MINDY4: variants seen among roughly 807,000 people sequenced by gnomAD.
MINDY4 encodes the protein probable ubiquitin carboxyl-terminal hydrolase MINDY-4.
Under a neutral mutation model 87.0 loss-of-function variants are expected in MINDY4, and 68 were observed. That is an observed-to-expected ratio of 0.78 (90% CI 0.64 to 0.96). The LOEUF (loss-of-function observed/expected upper bound fraction) is 0.96, where lower values mean the gene tolerates loss of function less well. Ranked by LOEUF, MINDY4 falls within the 40% of genes least tolerant of loss-of-function variation. The probability of loss-of-function intolerance (pLI) is 0.00; values close to 1 mark genes in which losing one functional copy is unlikely to be tolerated. For missense variants in MINDY4, 919 were observed against 928.2 expected (o/e 0.99, Z 0.13); for synonymous variants, 379 against 363.2 (o/e 1.04, Z -0.50).
chr7:30,807,193 A>C (rs1016195325), intron 5 of MINDY4, among the ~76,000 whole-genome samples: 6 of 152,152 alleles, frequency 3.9e-5, no homozygotes, highest in Non-Finnish European at 8.8e-5. Context: ...CCATTATTTC[A>C]TGTCCACCTC....
At chr7:30,865,957 T>A (rs1051167702) in intron 13 of MINDY4, among the ~76,000 whole-genome samples, 7 of 152,222 alleles carry the variant, frequency 4.6e-5, no homozygotes, top group Non-Finnish European at 1.0e-4. Flanking sequence ...CCATACCAGC[T>A]GGGTGCTTGA....
intron 4 of MINDY4, among the ~76,000 whole-genome samples, chr7:30,789,058 CA>C (rs1192437599): frequency 6.6e-6 from 1 of 152,080 alleles, no homozygotes; most frequent in Middle Eastern, 3.2e-3. Flanking sequence ...TGCACAAAGT[CA>C]ACACAGTGGA....
intron 5 of MINDY4, among the ~76,000 whole-genome samples, chr7:30,805,513 C>T (rs191709157): frequency 5.7e-4 from 87 of 152,242 alleles, no homozygotes; most frequent in African/African-American, 1.9e-3. Flanking sequence ...AGACCACGTG[C>T]TTGGTGTGGG....
Position 30,807,055 on chromosome 7 carries a change from T to C in MINDY4, c.1073+15481T>C, listed in dbSNP as rs192294949. Reference sequence around the variant, plus strand: ...CTTTGTTTAGCCTTTCTTCTTTAAATAAAATTTCTTTTGAATGAGAAGAAA... The same window carrying C: ...CTTTGTTTAGCCTTTCTTCTTTAAACAAAATTTCTTTTGAATGAGAAGAAA... On this transcript the variant is annotated intron_variant, in intron 5 of 17. Coordinates refer to ENST00000265299, the MANE Select transcript of MINDY4 (RefSeq NM_032222.3). Among the ~76,000 whole-genome samples, 3 of 152,342 alleles carry C rather than the reference T, an allele frequency of 2.0e-5. No homozygotes were observed. In the East Asian group the frequency reaches 5.8e-4, roughly 29 times the overall value.
At chr7:30,818,621 G>T (rs1788233739) in intron 5 of MINDY4, among the ~76,000 whole-genome samples, 1 of 152,216 alleles carries the variant, frequency 6.6e-6, no homozygotes, top group East Asian at 1.9e-4. Flanking sequence ...GGGATGGGTG[G>T]TTCCAGAGTC....
At chr7:30,891,595 G>A (rs192061010) in intron 17 of MINDY4, among the ~76,000 whole-genome samples, 1 of 152,250 alleles carries the variant, frequency 6.6e-6, no homozygotes. Context: ...CCTCTAAAGT[G>A]CCAACCATTG....
At chr7:30,788,509 A>C (rs1787224047) in intron 4 of MINDY4, among the ~76,000 whole-genome samples, 1 of 152,170 alleles carries the variant, frequency 6.6e-6, no homozygotes. Flanking sequence ...TGTCACCCCC[A>C]GCTCATCCAA....
intron 9 of MINDY4, among the ~76,000 whole-genome samples, chr7:30,841,056 G>A (rs1461268376): frequency 1.3e-5 from 2 of 152,184 alleles, no homozygotes; most frequent in African/African-American, 4.8e-5. Flanking sequence ...AAAGCGGGGA[G>A]GGTTCTCAGT....
intron 17 of MINDY4, among the ~76,000 whole-genome samples, chr7:30,885,207 G>T (rs894592263): frequency 4.6e-5 from 7 of 152,212 alleles, no homozygotes; most frequent in African/African-American, 1.7e-4. Context: ...TGGCCTTCAA[G>T]CTTCAGGGGC....
At chr7:30,860,116 C>T (rs941622469) in intron 13 of MINDY4, among the ~76,000 whole-genome samples, 3 of 152,146 alleles carry the variant, frequency 2.0e-5, no homozygotes, top group Non-Finnish European at 4.4e-5. Flanking sequence ...GTGAATCTTA[C>T]TTTGAGGGAT....
intron 14 of MINDY4, 76 bp downstream of exon 14, chr7:30,872,382 C>G (rs1228830650): frequency 1.3e-5 from 18 of 1,366,374 alleles, no homozygotes; most frequent in Non-Finnish European, 1.9e-5. Flanking sequence ...CCTCCTCCCT[C>G]CTCTTGCCCC....
At chr7:30,771,663 C>A in intron 1 of MINDY4, 107 bp downstream of exon 1, 1 of 1,059,782 alleles carries the variant, frequency 9.4e-7, no homozygotes, top group Non-Finnish European at 1.4e-6. Flanking sequence ...CCGTTCCCTA[C>A]CTACTGCCTG....
intron 5 of MINDY4, among the ~76,000 whole-genome samples, chr7:30,818,734 G>A (rs1788236913): frequency 1.3e-5 from 2 of 152,166 alleles, no homozygotes; most frequent in Non-Finnish European, 1.5e-5. Flanking sequence ...GGAAATGGGG[G>A]TGAATTTTAA....
intron 5 of MINDY4, among the ~76,000 whole-genome samples, chr7:30,813,048 A>G (rs1320370284): frequency 6.6e-6 from 1 of 152,186 alleles, no homozygotes; most frequent in Non-Finnish European, 1.5e-5. Flanking sequence ...GTACCTGCAC[A>G]TCTGTTCCAC....
intron 5 of MINDY4, among the ~76,000 whole-genome samples, chr7:30,807,138 A>G (rs540796387): frequency 1.3e-5 from 2 of 152,304 alleles, no homozygotes; most frequent in East Asian, 1.9e-4. Context: ...GTATTTTGCC[A>G]CCATCTGAGG....
chr7:30,879,064 C>T (rs1790376486), intron 15 of MINDY4, among the ~76,000 whole-genome samples: 2 of 152,190 alleles, frequency 1.3e-5, no homozygotes, highest in African/African-American at 4.8e-5. Context: ...TTCTCTGGAC[C>T]CTCAGTGGTT....
At chr7:30,846,976 TA>T (rs897338953) in intron 9 of MINDY4, among the ~76,000 whole-genome samples, 1 of 152,038 alleles carries the variant, frequency 6.6e-6, no homozygotes, top group African/African-American at 2.4e-5. Context: ...GCCTGGTTCC[TA>T]ACAGGCCACA....
At chr7:30,885,131 A>G (rs746421100) in intron 17 of MINDY4, among the ~76,000 whole-genome samples, 16 of 152,264 alleles carry the variant, frequency 1.1e-4, no homozygotes, top group South Asian at 2.1e-4. Context: ...TGTGTAGCAC[A>G]CAGGGGCTAA....
chr7:30,805,249 A>G (rs1383269734), intron 5 of MINDY4, among the ~76,000 whole-genome samples: 1 of 152,112 alleles, frequency 6.6e-6, no homozygotes, highest in Non-Finnish European at 1.5e-5. Context: ...CGAGGCAGTC[A>G]AGGAGGACTG....
Sources: allele counts gnomAD v4.1 joint callset (sites outside exome capture counted in the v4.1 genomes callset), GRCh38; gene constraint gnomAD v4.1.1; transcripts MANE v1.5; gene names NCBI Gene and HGNC (gene_info 2026-07-23, HGNC 2026-07-21).